The following DUSP16 variants were observed in gnomAD, a reference collection of about 807,000 sequenced individuals.
The protein encoded by DUSP16 is dual specificity protein phosphatase 16.
In DUSP16, 21 loss-of-function variants were observed where a neutral mutation model predicts 58.3. That is an observed-to-expected ratio of 0.36 (90% confidence interval 0.26 to 0.52). DUSP16 has a LOEUF of 0.52. Among genes scored for constraint, DUSP16 ranks in the 20% least tolerant of loss-of-function variants. The pLI is 0.94. For synonymous variants in DUSP16, 320 were observed against 323.8 expected, an observed-to-expected ratio of 0.99 and a Z score of 0.12; for missense variants, 726 against 819.0, an observed-to-expected ratio of 0.89 and a Z score of 1.39.
Position 12,487,072 on chromosome 12 carries a change from C to A in DUSP16, c.647G>T (p.Cys216Phe), listed in dbSNP as rs754118095. The A allele has an allele frequency of 6.2e-7, 1 of 1,614,034 alleles. No homozygotes were observed. Among genetic ancestry groups the A allele is most frequent in the African/African-American group, 1.3e-5 (1 of 74,920 alleles). The change falls in exon 5 of 7, where the codon TGT becomes TTT. Residue 216 changes from cysteine (C) to phenylalanine (F), a missense_variant. By Grantham distance (205) the Cys-to-Phe change is radical. Coordinates refer to ENST00000298573, the MANE Select transcript of DUSP16 (RefSeq NM_030640.3). ...GTCCAACCACGGCAAAATTTTCTCA[C>A]AAAAGCTGTCATTCACAGGCACACG... ...FLRVPVNDSF[C>F]EKILPWLDKS...
At chr12:12,492,918 C>T (rs1371810573) in intron 4 of DUSP16, among the ~76,000 whole-genome samples, 1 of 152,186 alleles carries the variant, frequency 6.6e-6, no homozygotes, top group Non-Finnish European at 1.5e-5. Flanking sequence ...TTCCTTCCTT[C>T]CTCAATATTT....
chr12:12,482,427 G>A (rs577174718), intron 5 of DUSP16, among the ~76,000 whole-genome samples: 3 of 152,168 alleles, frequency 2.0e-5, no homozygotes, highest in South Asian at 2.1e-4. Flanking sequence ...TTTTGATGAC[G>A]TCTTTTAAAA....
chr12:12,536,461 TAGGCCGGGCAC>T (rs1360809210), intron 1 of DUSP16, among the ~76,000 whole-genome samples: 1 of 152,164 alleles, frequency 6.6e-6, no homozygotes, highest in Non-Finnish European at 1.5e-5. Flanking sequence ...AAGGCTGAAA[TAGGCCGGGCAC>T]AGTGGCTCAT....
chr12:12,517,730 C>A (rs1163799309), intron 3 of DUSP16, among the ~76,000 whole-genome samples: 1 of 152,216 alleles, frequency 6.6e-6, no homozygotes, highest in Non-Finnish European at 1.5e-5. Flanking sequence ...TCTGAAGTCA[C>A]CTCCTAAGCT....
At chr12:12,489,509 A>T (rs544287407) in intron 4 of DUSP16, among the ~76,000 whole-genome samples, 1 of 152,322 alleles carries the variant, frequency 6.6e-6, no homozygotes, top group South Asian at 2.1e-4. Context: ...CAACGGTACT[A>T]CATTTTTCTC....
chr12:12,537,794 T>G (rs888535948), intron 1 of DUSP16, among the ~76,000 whole-genome samples: 1 of 152,232 alleles, frequency 6.6e-6, no homozygotes, highest in East Asian at 1.9e-4. Flanking sequence ...CCCCTCTAAG[T>G]AGAACACGAT....
At chr12:12,548,033 A>G (rs1944673133) in intron 1 of DUSP16, among the ~76,000 whole-genome samples, 1 of 152,184 alleles carries the variant, frequency 6.6e-6, no homozygotes, top group Non-Finnish European at 1.5e-5. Context: ...CAGTAATAGC[A>G]GAAGAAGCAG....
chr12:12,495,436 T>C (rs1943815939), intron 4 of DUSP16, among the ~76,000 whole-genome samples: 1 of 152,206 alleles, frequency 6.6e-6, no homozygotes, highest in South Asian at 2.1e-4. Context: ...TCAAAAATGA[T>C]TATCTGTAAA....
intron 1 of DUSP16, chr12:12,561,082 G>C (rs1944895287): frequency 1.3e-5 from 2 of 152,200 alleles, no homozygotes; most frequent in African/African-American, 4.8e-5. Context: ...TAAAACAGAA[G>C]TGGGAGCCAG....
intron 1 of DUSP16, among the ~76,000 whole-genome samples, chr12:12,547,531 TAAAAAAAAAAA>T (rs761142479): frequency 4.5e-4 from 30 of 66,680 alleles, no homozygotes; most frequent in African/African-American, 1.5e-3. Flanking sequence ...TGAGTAGGCT[TAAAAAAAAAAA>T]AAAAAAAAAA....
intron 5 of DUSP16, among the ~76,000 whole-genome samples, chr12:12,485,681 A>T (rs892685090): frequency 6.6e-6 from 1 of 150,960 alleles, no homozygotes; most frequent in Non-Finnish European, 1.5e-5. Context: ...AGGTTTTGCT[A>T]TGTTGCCCAA....
chr12:12,498,196 T>A (rs1943858408), intron 4 of DUSP16, among the ~76,000 whole-genome samples: 1 of 152,096 alleles, frequency 6.6e-6, no homozygotes, highest in Non-Finnish European at 1.5e-5. Flanking sequence ...TAGTTAATAC[T>A]ATTTGTAAAA....
chr12:12,483,502 A>T (rs1486964769), intron 5 of DUSP16, among the ~76,000 whole-genome samples: 1 of 152,100 alleles, frequency 6.6e-6, no homozygotes, highest in Non-Finnish European at 1.5e-5. Flanking sequence ...AGTGCACAGA[A>T]GTTTGAAGTA....
In DUSP16 at chr12:12,559,009, G is replaced by A. The variant is rs147568913; in HGVS notation, c.-366+3108C>T. Among the ~76,000 whole-genome samples, 66 of 152,268 alleles carry A rather than the reference G, an allele frequency of 4.3e-4. 1 individual carries two copies. The East Asian group carries it at 0.012, about 27-fold the overall frequency. ...CCTGTCTCAATCCATTTGTGTAGAA[G>A]AACCAGCTCTTCTTAAAGCCTGAGC... On this transcript the variant is annotated intron_variant, in intron 1 of 6. Transcript: ENST00000298573.
At chr12:12,511,331 T>C (rs1944076940) in intron 3 of DUSP16, among the ~76,000 whole-genome samples, 1 of 152,114 alleles carries the variant, frequency 6.6e-6, no homozygotes, top group Non-Finnish European at 1.5e-5. Context: ...ATATCTCCAA[T>C]AGCTCACAAT....
At position 12,480,133 on chromosome 12, in the gene DUSP16, TCTG is replaced by T; in HGVS notation, c.815+87_815+89del. ...AAAAATGTGACTAAAATAATCATGA[TCTG>T]CTTTAATTTGGTTACCCATCCTCAT... On this transcript the variant is annotated intron_variant, in intron 6 of 6. Coordinates refer to ENST00000298573, the MANE Select transcript of DUSP16 (RefSeq NM_030640.3). The T allele has an allele frequency of 3.4e-6, 5 of 1,490,334 alleles. No individual in the cohort carries two copies. In the Admixed American group the frequency reaches 1.0e-4, roughly 30 times the overall value. 92.3% of individuals were successfully genotyped at this position (1,490,334 alleles called of 1,614,324 possible).
intron 4 of DUSP16, 100 bp from the exon 5 acceptor site, chr12:12,487,287 T>G: frequency 7.6e-7 from 1 of 1,308,284 alleles, no homozygotes; most frequent in Non-Finnish European, 1.1e-6. Context: ...ATGCCCAGTT[T>G]CCTTGAAATA....
intron 1 of DUSP16, among the ~76,000 whole-genome samples, chr12:12,541,330 A>C (rs1338702775): frequency 6.6e-6 from 1 of 152,148 alleles, no homozygotes; most frequent in Non-Finnish European, 1.5e-5. Context: ...TCTTCCCTTC[A>C]ACCCCAGGTA....
chr12:12,517,307 T>A (rs1258630093), intron 3 of DUSP16, among the ~76,000 whole-genome samples: 2 of 152,228 alleles, frequency 1.3e-5, no homozygotes, highest in African/African-American at 2.4e-5. Context: ...CTGACAACAA[T>A]CTCCAACTGT....
Sources: allele counts gnomAD v4.1 joint callset (sites outside exome capture counted in the v4.1 genomes callset), GRCh38; gene constraint gnomAD v4.1.1; transcripts MANE v1.5; gene names NCBI Gene and HGNC (gene_info 2026-07-23, HGNC 2026-07-21).